The following PHACTR1 variants were observed in gnomAD, a reference collection of about 807,000 sequenced individuals.
PHACTR1 encodes RPEL repeat containing 1.
In PHACTR1, 16 loss-of-function variants were observed where a neutral mutation model predicts 69.2. That is an observed-to-expected ratio of 0.23 (90% CI 0.16 to 0.35). PHACTR1 has a LOEUF of 0.35. Ranked by LOEUF, PHACTR1 falls within the 10% of genes least tolerant of loss-of-function variation. PHACTR1 has a pLI of 1.00. For missense variants in PHACTR1, 510 were observed against 734.7 expected, an observed-to-expected ratio of 0.69 and a Z score of 3.54; for synonymous variants, 312 against 284.5, an observed-to-expected ratio of 1.10 and a Z score of -0.97.
chr6:12,792,290 C>A (rs543213014), intron 4 of PHACTR1, among the ~76,000 whole-genome samples: 105 of 151,190 alleles, frequency 6.9e-4, no homozygotes, highest in Admixed American at 3.6e-3. Flanking sequence ...CATGGAGAAA[C>A]CCCGTCTCTA....
rs869092852 is a variant in PHACTR1, at chr6:13,195,757, C to CAAAAAAAAAAAAAAAAAAAAAAAA, written c.665-10035_665-10034insAAAAAAAAAAAAAAAAAAAAAAAA. Among the ~76,000 whole-genome samples the CAAAAAAAAAAAAAAAAAAAAAAAA allele has an allele frequency of 1.5e-3, 61 of 41,490 alleles. 7 individuals carry two copies. Among genetic ancestry groups the CAAAAAAAAAAAAAAAAAAAAAAAA allele is most frequent in the Non-Finnish European group, 2.5e-3 (47 of 18,674 alleles). The allele number at this position is 41,490 out of a possible 152,430, so 27.2% of individuals were successfully genotyped here. A position where few individuals can be genotyped will look rare whatever the true frequency, so the allele number is the denominator to read the frequency against. On this transcript the variant is annotated intron_variant, in intron 7 of 14. Transcript: ENST00000332995. ...TGGGCGACAGAGAGAGACACCGTCT[C>CAAAAAAAAAAAAAAAAAAAAAAAA]AAAAAAAAAAAAAAAAAAAAAAAGT...
At chr6:12,934,598 G>A (rs1429361608) in intron 4 of PHACTR1, among the ~76,000 whole-genome samples, 4 of 152,194 alleles carry the variant, frequency 2.6e-5, no homozygotes, top group African/African-American at 9.7e-5. Flanking sequence ...CACTTTGGGA[G>A]GCCGAGGCAG....
chr6:13,255,074 C>T (rs1774991837), intron 10 of PHACTR1, among the ~76,000 whole-genome samples: 1 of 152,138 alleles, frequency 6.6e-6, no homozygotes, highest in African/African-American at 2.4e-5. Context: ...GCAGGTTGCG[C>T]AGGAAACATA....
chr6:13,128,386 T>G (rs1819886843), intron 5 of PHACTR1, among the ~76,000 whole-genome samples: 1 of 151,040 alleles, frequency 6.6e-6, no homozygotes, highest in Non-Finnish European at 1.5e-5. Flanking sequence ...AAAACCAACT[T>G]AAATAAATTT....
intron 4 of PHACTR1, among the ~76,000 whole-genome samples, chr6:12,970,877 T>A (rs1054423649): frequency 1.3e-5 from 2 of 152,210 alleles, no homozygotes; most frequent in Non-Finnish European, 2.9e-5. Flanking sequence ...TGAAAGATGT[T>A]GATGCCATAT....
intron 3 of PHACTR1, among the ~76,000 whole-genome samples, chr6:12,729,810 A>G (rs958008488): frequency 6.6e-6 from 1 of 152,250 alleles, no homozygotes; most frequent in African/African-American, 2.4e-5. Context: ...ACTGACTGAG[A>G]GAATTCAAAA....
At chr6:13,129,371 A>AT (rs946004810) in intron 5 of PHACTR1, among the ~76,000 whole-genome samples, 6 of 152,148 alleles carry the variant, frequency 3.9e-5, no homozygotes, top group East Asian at 3.8e-4. Flanking sequence ...GGCAGAATGA[A>AT]TAAAAAAATC....
intron 10 of PHACTR1, among the ~76,000 whole-genome samples, chr6:13,238,688 G>C (rs545928754): frequency 3.9e-5 from 6 of 152,068 alleles, no homozygotes; most frequent in Non-Finnish European, 7.4e-5. Flanking sequence ...AAATTGGTGC[G>C]GTGAGTCTGA....
At position 13,117,605 on chromosome 6, in the gene PHACTR1, T is replaced by A. The variant is rs187156468; in HGVS notation, c.416-42599T>A. On this transcript the variant is annotated intron_variant, in intron 5 of 14. Coordinates refer to ENST00000332995, the MANE Select transcript of PHACTR1 (RefSeq NM_030948.6). ...CACACTGTAAGTTTCACAAAAAATG[T>A]GGTCTCTAGTCAAGGAGCTGGGTTA... is the stretch of plus-strand genomic sequence containing the variant. Among the ~76,000 whole-genome samples, 87 of 152,344 alleles carry A rather than the reference T, an allele frequency of 5.7e-4. 1 individual carries two copies. Among genetic ancestry groups the A allele is most frequent in the African/African-American group, 2.0e-3 (84 of 41,592 alleles).
chr6:12,824,793 T>G (rs1369552705), intron 4 of PHACTR1, among the ~76,000 whole-genome samples: 3 of 152,150 alleles, frequency 2.0e-5, no homozygotes, highest in African/African-American at 7.2e-5. Flanking sequence ...GTTCTGTCCA[T>G]GTATGTTTCA....
At chr6:12,951,984 T>G (rs1390463171) in intron 4 of PHACTR1, among the ~76,000 whole-genome samples, 1 of 152,014 alleles carries the variant, frequency 6.6e-6, no homozygotes, top group Non-Finnish European at 1.5e-5. Flanking sequence ...GACAACCCAG[T>G]GAAAAACAAT....
chr6:12,787,664 C>T (rs1297786610), intron 4 of PHACTR1, among the ~76,000 whole-genome samples: 1 of 152,210 alleles, frequency 6.6e-6, no homozygotes, highest in Non-Finnish European at 1.5e-5. Context: ...AAGGCCAAAG[C>T]TGGTGTGCTG....
chr6:13,045,938 G>A (rs1804958180), intron 4 of PHACTR1, among the ~76,000 whole-genome samples: 1 of 152,188 alleles, frequency 6.6e-6, no homozygotes, highest in Non-Finnish European at 1.5e-5. Flanking sequence ...TTGGGTCCAG[G>A]TATATGGAGC....
At chr6:12,983,594 C>T (rs766397963) in intron 4 of PHACTR1, among the ~76,000 whole-genome samples, 7 of 152,018 alleles carry the variant, frequency 4.6e-5, no homozygotes, top group East Asian at 1.9e-4. Context: ...ATGTGCACAA[C>T]GTGCAGGTTT....
chr6:13,087,560 A>G (rs72820890), intron 5 of PHACTR1, among the ~76,000 whole-genome samples: 2 of 152,272 alleles, frequency 1.3e-5, no homozygotes, highest in Non-Finnish European at 2.9e-5. Flanking sequence ...TCATATAATT[A>G]TCTCAAAAGA....
At chr6:12,982,593 G>A (rs1457429651) in intron 4 of PHACTR1, among the ~76,000 whole-genome samples, 2 of 152,138 alleles carry the variant, frequency 1.3e-5, no homozygotes, top group Admixed American at 6.5e-5. Context: ...GCAGAGAATC[G>A]CTTGAACCCG....
At chr6:13,282,799 G>A (rs1319987774) in intron 12 of PHACTR1, among the ~76,000 whole-genome samples, 2 of 152,154 alleles carry the variant, frequency 1.3e-5, no homozygotes, top group African/African-American at 4.8e-5. Flanking sequence ...GTCACCTGGT[G>A]GGAGTAGGAC....
At chr6:12,815,384 G>A (rs922490803) in intron 4 of PHACTR1, among the ~76,000 whole-genome samples, 1 of 151,958 alleles carries the variant, frequency 6.6e-6, no homozygotes, top group Non-Finnish European at 1.5e-5. Flanking sequence ...TTCTCTACTT[G>A]CATTTCCCTA....
intron 9 of PHACTR1, 47 bp from the exon 10 acceptor site, chr6:13,229,990 C>G: frequency 6.5e-7 from 1 of 1,534,232 alleles, no homozygotes; most frequent in Non-Finnish European, 8.8e-7. Context: ...CTGTGGGAGC[C>G]CAGGCAGATA....
Sources: gnomAD v4.1 joint callset for allele counts (sites outside exome capture counted in the v4.1 genomes callset) on GRCh38, gnomAD v4.1.1 for gene constraint, MANE v1.5 for transcripts, NCBI Gene and HGNC (gene_info 2026-07-23, HGNC 2026-07-21) for gene names.